Variants in TGIF1 observed in about 807,000 individuals in gnomAD.
TGIF1 encodes the protein homeobox protein TGIF1.
In TGIF1, 4 loss-of-function variants were observed where a neutral mutation model predicts 19.3. The observed-to-expected ratio is 0.21, with a 90% CI of 0.10 to 0.47. The LOEUF (loss-of-function observed/expected upper bound fraction) is 0.47. Among genes scored for constraint, TGIF1 ranks in the 20% least tolerant of loss-of-function variants. The pLI, the probability that TGIF1 is intolerant of heterozygous loss-of-function variation, is 0.98. For synonymous variants in TGIF1, 122 were observed against 129.3 expected, an observed-to-expected ratio of 0.94 and a Z score of 0.38; for missense variants, 275 against 341.4, an observed-to-expected ratio of 0.81 and a Z score of 1.53.
At chr18:3,415,075 C>T (rs1205847112) in intron 1 of TGIF1, 1 of 153,798 alleles carries the variant, frequency 6.5e-6, no homozygotes, top group African/African-American at 2.4e-5. Flanking sequence ...CCCCTGTCAC[C>T]ACCTCTGTCC....
chr18:3,445,765 C>CAAAAAAAAAAAA (rs755240649), upstream of TGIF1, among the ~76,000 whole-genome samples: 2 of 35,842 alleles, frequency 5.6e-5, no homozygotes, highest in Non-Finnish European at 4.4e-5. Context: ...AGAAGAAAAG[C>CAAAAAAAAAAAA]AAAAAAAAAA....
chr18:3,449,038 G>C (rs1279265886), upstream of TGIF1, among the ~76,000 whole-genome samples: 1 of 152,088 alleles, frequency 6.6e-6, no homozygotes, highest in Non-Finnish European at 1.5e-5. Context: ...ACAACAGGAC[G>C]TAACCACGCG....
In TGIF1 at chr18:3,451,512, C is replaced by CAGA. The variant is rs1452678823; in HGVS notation, c.16+1010_16+1012dup. ...GTGATTTATGTGGAGTGGTTCAAAACAGAAGTTAATCACTCGGGAAGCGGA... is the reference window on the plus strand; with the variant it reads ...GTGATTTATGTGGAGTGGTTCAAAACAGAAGAAGTTAATCACTCGGGAAGCGGA... On this transcript the variant is annotated intron_variant, in intron 1 of 2. Coordinates refer to ENST00000343820, the MANE Select transcript of TGIF1 (RefSeq NM_003244.4). The surrounding 1 kb of genome is among the most constrained non-coding windows in gnomAD (Gnocchi z 5.4). 4.0e-6 allele frequency: 4 copies of CAGA among 995,216 alleles called. No homozygotes were observed. Among genetic ancestry groups the CAGA allele is most frequent in the Non-Finnish European group, 3.6e-6 (3 of 837,182 alleles). 61.6% of individuals were successfully genotyped at this position (995,216 alleles called of 1,614,324 possible).
In TGIF1 at chr18:3,458,816, TTAAAA is replaced by T. The variant is rs1316789792; in HGVS notation, c.*880_*884del. The T allele has an allele frequency of 1.3e-5, 2 of 152,230 alleles. No individual in the cohort carries two copies. The allele number at this position is 152,230 out of a possible 1,614,324, so 9.4% of individuals were successfully genotyped here. ...TCTTGCCCTTTTTCCACGTTACCCT[TTAAAA>T]TAACCTTTGTTCAGTGGTACATTTA... On this transcript the variant is annotated 3_prime_UTR_variant, in exon 3 of 3. Coordinates refer to ENST00000343820, the MANE Select transcript of TGIF1 (RefSeq NM_003244.4).
At chr18:3,442,760 T>C (rs1442268258) in intron 2 of TGIF1, among the ~76,000 whole-genome samples, 1 of 152,050 alleles carries the variant, frequency 6.6e-6, no homozygotes, top group Non-Finnish European at 1.5e-5. Context: ...AAAAATAATG[T>C]TATGAATAAG....
chr18:3,436,254 A>G (rs2143213986), intron 2 of TGIF1, among the ~76,000 whole-genome samples: 1 of 152,306 alleles, frequency 6.6e-6, no homozygotes, highest in Non-Finnish European at 1.5e-5. Flanking sequence ...GCTTTTTATG[A>G]TGATAAAAGT....
At chr18:3,453,430 TA>T (rs1440060370) in intron 1 of TGIF1, among the ~76,000 whole-genome samples, 9 of 152,004 alleles carry the variant, frequency 5.9e-5, no homozygotes, top group Admixed American at 6.6e-5. Context: ...TTCACGCCTG[TA>T]ATCCCAGCAC....
chr18:3,452,278 C>T (rs1201459020), intron 1 of TGIF1: 1 of 1,610,710 alleles, frequency 6.2e-7, no homozygotes, highest in African/African-American at 1.3e-5. Flanking sequence ...GAGCTGGGGA[C>T]CAAGGCTGGG....
At chr18:3,413,717 A>G (rs1309299932) in intron 1 of TGIF1, among the ~76,000 whole-genome samples, 1 of 152,228 alleles carries the variant, frequency 6.6e-6, no homozygotes, top group Non-Finnish European at 1.5e-5. Flanking sequence ...AATTTTTTCA[A>G]TTAAAAAAAA....
At chr18:3,449,405 G>T (rs2082826588), upstream of TGIF1, 1 of 985,416 alleles carries the variant, frequency 1.0e-6, no homozygotes, top group Non-Finnish European at 1.2e-6. Flanking sequence ...GGGCAGAGAC[G>T]TTTAAAGAGC....
chr18:3,453,247 ACTT>A (rs1298158577), intron 1 of TGIF1, among the ~76,000 whole-genome samples: 1 of 152,198 alleles, frequency 6.6e-6, no homozygotes, highest in Admixed American at 6.5e-5. Flanking sequence ...TCAAAGGAGA[ACTT>A]CTGGTCAGGA....
At chr18:3,415,931 G>A (rs543543745) in intron 1 of TGIF1, among the ~76,000 whole-genome samples, 1 of 152,212 alleles carries the variant, frequency 6.6e-6, no homozygotes, top group Non-Finnish European at 1.5e-5. Flanking sequence ...TTTAGAGTTT[G>A]TGCTCTGGAA....
At chr18:3,453,542 C>T (rs748769688) in intron 1 of TGIF1, among the ~76,000 whole-genome samples, 2 of 151,858 alleles carry the variant, frequency 1.3e-5, no homozygotes, top group Non-Finnish European at 2.9e-5. Flanking sequence ...CAAAATTAGC[C>T]GGGCGTGGTG....
At chr18:3,419,677 A>G (rs1028520117) in intron 2 of TGIF1, among the ~76,000 whole-genome samples, 26 of 152,164 alleles carry the variant, frequency 1.7e-4, no homozygotes, top group African/African-American at 6.3e-4. Flanking sequence ...ATCTGATTCT[A>G]TATGCTCCAT....
intron 2 of TGIF1, among the ~76,000 whole-genome samples, chr18:3,421,081 G>A (rs2082391751): frequency 6.6e-6 from 1 of 151,992 alleles, no homozygotes; most frequent in Non-Finnish European, 1.5e-5. Context: ...GTTGCCTTGT[G>A]ACGTCAAAGC....
intron 1 of TGIF1, among the ~76,000 whole-genome samples, chr18:3,416,830 C>G (rs1380035387): frequency 6.6e-6 from 1 of 151,870 alleles, no homozygotes; most frequent in Admixed American, 6.6e-5. Context: ...ACTCAGGAGG[C>G]TGAGGCAGGA....
At chr18:3,413,019 A>T (rs2082290561) in intron 1 of TGIF1, 1 of 152,210 alleles carries the variant, frequency 6.6e-6, no homozygotes, top group African/African-American at 2.4e-5. Flanking sequence ...CTCTGTCCCC[A>T]AACACCAAAA....
rs1349630479 is a variant in TGIF1, at chr18:3,456,323, C to T, written c.17-31C>T. 1.9e-6 allele frequency: 3 copies of T among 1,597,806 alleles called. No homozygotes were observed. In the African/African-American group the frequency reaches 4.0e-5, roughly 21 times the overall value. Reference sequence around the variant, plus strand: ...TGCAATAGTTGCTGTGCTTATAAAGCAACTGACAACTGGCCCTTGTCCTTT... The same window carrying T: ...TGCAATAGTTGCTGTGCTTATAAAGTAACTGACAACTGGCCCTTGTCCTTT... On this transcript the variant is annotated intron_variant, in intron 1 of 2. Transcript: ENST00000343820. The surrounding 1 kb of genome is among the most constrained non-coding windows in gnomAD (Gnocchi z 4.2).
At position 3,445,119 on chromosome 18, in the gene TGIF1, G is replaced by C. The variant is rs77769541; in HGVS notation, c.-44-11235G>C. ...CCCAAACGTCAATAGGGCTGTGGTT[G>C]AGAACTCCTGAGCCACACGATGGCA... On this transcript the variant is annotated intron_variant, in intron 2 of 3. Coordinates refer to the TGIF1 transcript ENST00000401449. Among the ~76,000 whole-genome samples, 511 of 152,316 alleles carry C rather than the reference G, an allele frequency of 3.4e-3. 2 individuals are homozygous for C. Among genetic ancestry groups the C allele is most frequent in the Non-Finnish European group, 5.4e-3 (370 of 68,018 alleles).
Sources: allele counts gnomAD v4.1 joint callset (sites outside exome capture counted in the v4.1 genomes callset), GRCh38; gene constraint gnomAD v4.1.1; non-coding constraint Gnocchi (gnomAD v3.1); transcripts MANE v1.5; gene names NCBI Gene and HGNC (gene_info 2026-07-23, HGNC 2026-07-21).